Variants in AP3M1 observed in about 807,000 individuals in gnomAD.
The protein encoded by AP3M1 is AP-3 complex subunit mu-1.
In AP3M1, 29 loss-of-function variants were observed where a neutral mutation model predicts 42.6. The observed-to-expected ratio is 0.68, with a 90% confidence interval of 0.51 to 0.93. The LOEUF (loss-of-function observed/expected upper bound fraction) is 0.93. AP3M1 is among the 40% of genes least tolerant of loss of function. The pLI is 0.00. For synonymous variants in AP3M1, 178 were observed against 175.3 expected (o/e 1.02, Z -0.12); for missense variants, 416 against 510.2 (o/e 0.82, Z 1.78).
rs777773121 is a variant in AP3M1 at position 74,138,346 on chromosome 10, C to T, written c.34G>A (p.Gly12Ser). 43 of 1,613,856 alleles carry T rather than the reference C, an allele frequency of 2.7e-5. No individual in the cohort carries two copies. The highest frequency in any genetic ancestry group is 1.3e-4 in the East Asian group (6 of 44,888). The change falls in exon 2 of 9, where the codon GGT becomes AGT. Residue 12 changes from glycine to serine, a missense_variant. Physicochemically the swap from Gly to Ser is moderately conservative, Grantham distance 56 (BLOSUM62 0). Coordinates refer to ENST00000355264, the MANE Select transcript of AP3M1 (RefSeq NM_012095.6). ...IHSLFLINCS[G>S]DIFLEKHWKS... Reference sequence around the variant, plus strand: ...CAGTGCTTCTCTAGAAATATGTCACCGGAACAGTTTATGAGAAATAGACTG... The same window carrying T: ...CAGTGCTTCTCTAGAAATATGTCACTGGAACAGTTTATGAGAAATAGACTG...
rs536073708 is a variant in AP3M1, at chr10:74,126,190, C to T, written c.969G>A (p.Leu323=). 5 of 1,614,198 alleles carry T rather than the reference C, an allele frequency of 3.1e-6. No homozygotes were observed. In the Admixed American group the frequency reaches 8.3e-5, roughly 27 times the overall value. The change falls in exon 7 of 9, where the codon CTG becomes CTA. Residue 323 remains leucine (L), a synonymous_variant. Transcript: ENST00000355264. ...HMPKVVLNMN[L]TPTQGSYTFD... is the part of the protein sequence containing the mutation. Reference sequence around the variant, plus strand: ...ATGTATAGCTGCCTTGTGTGGGTGTCAGGTTCATGTTCAGCACAACTTTTG... The same window carrying T: ...ATGTATAGCTGCCTTGTGTGGGTGTTAGGTTCATGTTCAGCACAACTTTTG...
At chr10:74,138,911 G>T (rs1841034790) in intron 1 of AP3M1, 1 of 147,060 alleles carries the variant, frequency 6.8e-6, no homozygotes, top group African/African-American at 2.5e-5. Flanking sequence ...CTCCAGCCTG[G>T]GTGACCAAGT....
intron 1 of AP3M1, chr10:74,139,050 G>A (rs954999061): frequency 1.3e-5 from 2 of 151,316 alleles, no homozygotes; most frequent in Non-Finnish European, 1.5e-5. Context: ...ACCTAACAAG[G>A]ATGCCCAGTC....
At chr10:74,132,826 G>A (rs186698264) in intron 4 of AP3M1, among the ~76,000 whole-genome samples, 36 of 152,286 alleles carry the variant, frequency 2.4e-4, no homozygotes, top group Admixed American at 2.2e-3. Context: ...ATGTTAGAAG[G>A]AATAAATAGC....
In AP3M1 at chr10:74,126,249, T is replaced by A; in HGVS notation, c.910A>T (p.Thr304Ser). The A allele has an allele frequency of 6.2e-7, 1 of 1,614,192 alleles. No homozygotes were observed. The highest frequency in any genetic ancestry group is 8.5e-7 in the Non-Finnish European group (1 of 1,180,014). The change falls in exon 7 of 9, where the codon ACT (threonine) becomes TCT (serine). Residue 304 changes from threonine (T) to serine (S), a missense_variant. Coordinates refer to ENST00000355264, the MANE Select transcript of AP3M1 (RefSeq NM_012095.6). Reference sequence around the variant, plus strand: ...ACTGTCACTGTAATTCCTTCAATAGTTTTCCCCATATTCTGCTTTGGTCCA... The same window carrying A: ...ACTGTCACTGTAATTCCTTCAATAGATTTCCCCATATTCTGCTTTGGTCCA... ...TIGPKQNMGK[T>S]IEGITVTVHM...
chr10:74,130,063 CT>C, intron 4 of AP3M1, 71 bp from the exon 5 acceptor site: 1 of 1,038,760 alleles, frequency 9.6e-7, no homozygotes, highest in Non-Finnish European at 1.5e-6. Context: ...ATCACTGTAT[CT>C]TTTTATTTTT....
Position 74,138,297 on chromosome 10 carries a change from A to G in AP3M1, c.83T>C (p.Val28Ala). ...TTGAGCTTCAAAGAAATAATCACAG[A>G]CAGACTGGCTCACAACGCTCTTCCA... ...KHWKSVVSQS[V>A]CDYFFEAQEK... Residue 28 changes from valine to alanine, a missense_variant, in exon 2 of 9, where the codon GTC becomes GCC. Transcript: ENST00000355264. 1 of 1,613,870 alleles carries G rather than the reference A, an allele frequency of 6.2e-7. No homozygotes were observed. Among genetic ancestry groups the G allele is most frequent in the Non-Finnish European group, 8.5e-7 (1 of 1,179,946 alleles).
At chr10:74,144,319 C>T (rs1263633340) in intron 1 of AP3M1, among the ~76,000 whole-genome samples, 1 of 151,572 alleles carries the variant, frequency 6.6e-6, no homozygotes, top group East Asian at 1.9e-4. Flanking sequence ...GGCTGGAGTG[C>T]AGCTGCGTCA....
At chr10:74,136,884 ACT>A in intron 2 of AP3M1, 81 bp from the exon 3 acceptor site, 2 of 953,812 alleles carry the variant, frequency 2.1e-6, no homozygotes, top group Non-Finnish European at 2.9e-6. Flanking sequence ...TGAAGAATAA[ACT>A]TAGAGTAGCA....
chr10:74,129,352 T>G (rs1012985018), intron 5 of AP3M1, 111 bp from the exon 6 acceptor site: 1 of 1,031,406 alleles, frequency 9.7e-7, no homozygotes, highest in Non-Finnish European at 1.4e-6. Context: ...TGGAAGAGTT[T>G]ATGACCACAT....
intron 4 of AP3M1, among the ~76,000 whole-genome samples, chr10:74,132,544 A>T (rs1053908148): frequency 6.6e-6 from 1 of 151,750 alleles, no homozygotes; most frequent in African/African-American, 2.4e-5. Flanking sequence ...AACAAATAAA[A>T]GTTAGCCAGG....
chr10:74,129,591 T>C (rs1840714610), intron 5 of AP3M1, among the ~76,000 whole-genome samples: 1 of 152,154 alleles, frequency 6.6e-6, no homozygotes. Context: ...GACTCTAAAA[T>C]GATACAAAAG....
chr10:74,147,728 C>T (rs1490622261), intron 1 of AP3M1, among the ~76,000 whole-genome samples: 2 of 151,908 alleles, frequency 1.3e-5, no homozygotes, highest in Non-Finnish European at 1.5e-5. Context: ...GGGCTGGGTG[C>T]GGTGGCTCAC....
At chr10:74,138,004 C>G in intron 2 of AP3M1, 103 bp downstream of exon 2, 1 of 1,218,194 alleles carries the variant, frequency 8.2e-7, no homozygotes, top group East Asian at 2.5e-5. Flanking sequence ...CAGAGAGAGA[C>G]AGACAGTAAA....
chr10:74,130,606 A>C (rs1840752578), intron 4 of AP3M1, among the ~76,000 whole-genome samples: 1 of 151,612 alleles, frequency 6.6e-6, no homozygotes, highest in Non-Finnish European at 1.5e-5. Flanking sequence ...ACGCCTGGCT[A>C]ATTTTTGTAT....
Position 74,138,344 on chromosome 10 carries a change from A to G in AP3M1, c.36T>C (p.Gly12=), listed in dbSNP as rs1414048064. 1 of 1,614,016 alleles carries G rather than the reference A, an allele frequency of 6.2e-7. No homozygotes were observed. The highest frequency in any genetic ancestry group is 1.3e-5 in the African/African-American group (1 of 74,920). Residue 12 remains glycine, a synonymous_variant, in exon 2 of 9, where the codon GGT becomes GGC. Transcript: ENST00000355264. ...IHSLFLINCS[G]DIFLEKHWKS... ...TCCAGTGCTTCTCTAGAAATATGTC[A>G]CCGGAACAGTTTATGAGAAATAGAC...
At chr10:74,128,085 A>T (rs576540974) in intron 6 of AP3M1, among the ~76,000 whole-genome samples, 2 of 143,020 alleles carry the variant, frequency 1.4e-5, no homozygotes, top group South Asian at 4.6e-4. Flanking sequence ...GAGCAACAAG[A>T]GCCAAACTCC....
intron 5 of AP3M1, 137 bp from the exon 6 acceptor site, chr10:74,129,378 G>T: frequency 1.4e-6 from 1 of 719,034 alleles, no homozygotes; most frequent in Non-Finnish European, 2.2e-6. Context: ...CAACCTTATA[G>T]TTTCATAATG....
chr10:74,123,955 C>G, intron 8 of AP3M1, 45 bp from the exon 9 acceptor site: 2 of 1,525,086 alleles, frequency 1.3e-6, no homozygotes, highest in Non-Finnish European at 1.8e-6. Context: ...ATCATCCCAA[C>G]CAATATAATG....
Sources: allele counts gnomAD v4.1 joint callset (sites outside exome capture counted in the v4.1 genomes callset), GRCh38; gene constraint gnomAD v4.1.1; transcripts MANE v1.5; gene names NCBI Gene and HGNC (gene_info 2026-07-23, HGNC 2026-07-21).